Variants in RAD51D observed in about 807,000 individuals in gnomAD.
The protein encoded by RAD51D is RAD51 paralog D.
Under a neutral mutation model 44.1 loss-of-function variants are expected in RAD51D, and 38 were observed. That is an observed-to-expected ratio of 0.86 (90% CI 0.67 to 1.13). The LOEUF is 1.13. Ranked by LOEUF, RAD51D falls within the 50% of genes most tolerant of loss-of-function variation. The pLI is 0.00. For missense variants in RAD51D, 390 were observed against 414.0 expected (o/e 0.94, Z 0.50); for synonymous variants, 141 against 166.6 (o/e 0.85, Z 1.18).
intron 8 of RAD51D, 95 bp from the exon 9 acceptor site, chr17:35,101,460 C>T: frequency 7.3e-7 from 1 of 1,378,594 alleles, no homozygotes; most frequent in South Asian, 1.2e-5. Flanking sequence ...AGAGGCCTAG[C>T]ACAGAGAAAT....
In RAD51D at chr17:35,100,821, G is replaced by A. The variant is rs893059535; in HGVS notation, c.*132C>T. 14 of 780,248 alleles carry A rather than the reference G, an allele frequency of 1.8e-5. No homozygotes were observed. In the African/African-American group the frequency reaches 2.2e-4, roughly 12 times the overall value. 48.3% of individuals were successfully genotyped at this position (780,248 alleles called of 1,614,324 possible). A position where few individuals can be genotyped will look rare whatever the true frequency, so the allele number is the denominator to read the frequency against. ...CAGAGAGTGAGGCCAAGGAACCCAA[G>A]ATGTCTCTTCTGGCCAGCCTGAGAA... On this transcript the variant is annotated 3_prime_UTR_variant, in exon 10 of 10. Transcript: ENST00000345365.
chr17:35,110,560 T>C (rs1225784270), intron 3 of RAD51D, among the ~76,000 whole-genome samples: 2 of 152,218 alleles, frequency 1.3e-5, no homozygotes, highest in Non-Finnish European at 2.9e-5. Context: ...TTTAAGTCTA[T>C]GATCCATTTT....
At position 35,100,491 on chromosome 17, in the gene RAD51D, T is replaced by C. The variant is rs1220081229; in HGVS notation, c.*462A>G. On this transcript the variant is annotated 3_prime_UTR_variant, in exon 10 of 10. Coordinates refer to ENST00000345365, the MANE Select transcript of RAD51D (RefSeq NM_002878.4). ...ACTCAGAGACAGAGCTAAGGAAGAGTGGGCCCCCATCTAACAAATGGAAAG... is the reference window on the plus strand; with the variant it reads ...ACTCAGAGACAGAGCTAAGGAAGAGCGGGCCCCCATCTAACAAATGGAAAG... 2 of 535,124 alleles carry C rather than the reference T, an allele frequency of 3.7e-6. No individual in the cohort carries two copies. Among genetic ancestry groups the C allele is most frequent in the Admixed American group, 4.4e-5 (2 of 44,984 alleles). 33.1% of individuals were successfully genotyped at this position (535,124 alleles called of 1,614,324 possible).
intron 8 of RAD51D, among the ~76,000 whole-genome samples, chr17:35,101,668 C>CA (rs1425387578): frequency 7.2e-5 from 11 of 152,310 alleles, no homozygotes; most frequent in African/African-American, 2.4e-4. Context: ...CTCAGCCTCC[C>CA]AAAGTGCTGG....
rs927814372 is a variant in RAD51D at position 35,103,667 on chromosome 17, G to C, written c.577-123C>G. 2.7e-6 allele frequency: 2 copies of C among 733,524 alleles called. No individual in the cohort carries two copies. The highest frequency in any genetic ancestry group is 3.5e-5 in the African/African-American group (2 of 57,694). 45.4% of individuals were successfully genotyped at this position (733,524 alleles called of 1,614,324 possible). On this transcript the variant is annotated intron_variant, in intron 6 of 9. Transcript: ENST00000345365. This position sits in a 1 kb window ranked among gnomAD's most constrained non-coding sequence, Gnocchi z 4.1. ...CCCCCCATCCCAAATACAGCAAGCTGCACGGGCATCACAGAATGTCATCAG... is the reference window on the plus strand; with the variant it reads ...CCCCCCATCCCAAATACAGCAAGCTCCACGGGCATCACAGAATGTCATCAG...
At position 35,107,409 on chromosome 17, in the gene RAD51D, T is replaced by C. The variant is rs1567728722; in HGVS notation, c.302A>G (p.Glu101Gly). Residue 101 changes from glutamate to glycine, a missense_variant, in exon 4 of 10, where the codon GAA becomes GGA. Coordinates refer to ENST00000345365, the MANE Select transcript of RAD51D (RefSeq NM_002878.4). Reference protein sequence around the residue: ...KLLDAGLYTGEVTEIVGGPGS... With the variant: ...KLLDAGLYTGGVTEIVGGPGS... Reference sequence around the variant, plus strand: ...TGGGCCTCCTACAATTTCAGTCACTTCTCCAGTATAGAGACCAGCATCAAG... The same window carrying C: ...TGGGCCTCCTACAATTTCAGTCACTCCTCCAGTATAGAGACCAGCATCAAG... The C allele has an allele frequency of 6.4e-7, 1 of 1,565,376 alleles. No homozygotes were observed. Among genetic ancestry groups the C allele is most frequent in the Non-Finnish European group, 8.8e-7 (1 of 1,135,934 alleles).
At chr17:35,118,873 G>T (rs1398292876) in intron 2 of RAD51D, among the ~76,000 whole-genome samples, 2 of 152,220 alleles carry the variant, frequency 1.3e-5, no homozygotes, top group Non-Finnish European at 2.9e-5. Flanking sequence ...CTCCCGAGTA[G>T]CTGGGATTGT....
intron 4 of RAD51D, 50 bp from the exon 5 acceptor site, chr17:35,107,172 T>A (rs778300366): frequency 6.2e-7 from 1 of 1,609,012 alleles, no homozygotes; most frequent in Non-Finnish European, 8.5e-7. Flanking sequence ...AGGGTCCAGA[T>A]GGGAGCTCCC....
rs961660958 is a variant in RAD51D, at chr17:35,103,679, C to T, written c.577-135G>A. On this transcript the variant is annotated intron_variant, in intron 6 of 9. Transcript: ENST00000345365. The surrounding 1 kb of genome is among the most constrained non-coding windows in gnomAD (Gnocchi z 4.1). Reference sequence around the variant, plus strand: ...AATACAGCAAGCTGCACGGGCATCACAGAATGTCATCAGCAGCAATGTCTC... The same window carrying T: ...AATACAGCAAGCTGCACGGGCATCATAGAATGTCATCAGCAGCAATGTCTC... 4 of 711,830 alleles carry T rather than the reference C, an allele frequency of 5.6e-6. No homozygotes were observed. The Admixed American group carries it at 8.0e-5, about 14-fold the overall frequency. 44.1% of individuals were successfully genotyped at this position (711,830 alleles called of 1,614,324 possible). A position where few individuals can be genotyped will look rare whatever the true frequency, so the allele number is the denominator to read the frequency against.
rs552220204 is a variant in RAD51D, at chr17:35,098,061, G to C, written c.*2892C>G. ...GGTCTAGGAGGAGCCAAAGGATGAA[G>C]CTGGCTGTGAGGGGCACAGCCTGCA... On this transcript the variant is annotated 3_prime_UTR_variant, in exon 10 of 10. Transcript: ENST00000345365. 1.3e-5 allele frequency: 2 copies of C among 152,428 alleles called. No individual in the cohort carries two copies. The highest frequency in any genetic ancestry group is 4.8e-5 in the African/African-American group (2 of 41,514). The allele number at this position is 152,428 out of a possible 1,614,324, so 9.4% of individuals were successfully genotyped here.
At chr17:35,117,116 C>A in intron 3 of RAD51D, 1 of 1,450,478 alleles carries the variant, frequency 6.9e-7, no homozygotes, top group African/African-American at 1.4e-5. Context: ...TTGCCTCCCT[C>A]GGTGCTTACA....
chr17:35,109,537 T>C (rs1279329598), intron 3 of RAD51D, among the ~76,000 whole-genome samples: 3 of 152,218 alleles, frequency 2.0e-5, no homozygotes, highest in South Asian at 2.1e-4. Flanking sequence ...TATATATGAG[T>C]AGTCCAGTGT....
At chr17:35,102,451 T>A (rs76082421) in intron 8 of RAD51D, among the ~76,000 whole-genome samples, 7 of 147,404 alleles carry the variant, frequency 4.7e-5, no homozygotes, top group South Asian at 2.2e-4. Flanking sequence ...TATTTTTTTT[T>A]ATTTTTTCAT....
At chr17:35,110,988 C>T (rs2091667887) in intron 3 of RAD51D, among the ~76,000 whole-genome samples, 1 of 151,588 alleles carries the variant, frequency 6.6e-6, no homozygotes, top group East Asian at 1.9e-4. Flanking sequence ...ACCTGTAATC[C>T]CAGCTACCCG....
At chr17:35,111,071 A>T (rs1597867320) in intron 3 of RAD51D, among the ~76,000 whole-genome samples, 1 of 150,416 alleles carries the variant, frequency 6.6e-6, no homozygotes, top group African/African-American at 2.5e-5. Context: ...ATTGCACTCC[A>T]GTCTGGGCAA....
intron 8 of RAD51D, among the ~76,000 whole-genome samples, chr17:35,102,856 T>C (rs2091556093): frequency 6.6e-6 from 1 of 152,108 alleles, no homozygotes; most frequent in African/African-American, 2.4e-5. Flanking sequence ...AAAAGATCCA[T>C]TTATATGAAG....
rs950797569 is a variant in RAD51D, at chr17:35,097,507, G to T, written c.*3446C>A. ...TATATATATGTGTGTATATGTGTGT[G>T]TGTGTGTGTGTATATATATATATAT... On this transcript the variant is annotated 3_prime_UTR_variant, in exon 10 of 10. Coordinates refer to ENST00000345365, the MANE Select transcript of RAD51D (RefSeq NM_002878.4). The T allele has an allele frequency of 6.7e-6, 1 of 150,296 alleles. No homozygotes were observed. The highest frequency in any genetic ancestry group is 2.5e-5 in the African/African-American group (1 of 40,642). The allele number at this position is 150,296 out of a possible 1,614,324, so 9.3% of individuals were successfully genotyped here.
chr17:35,111,630 A>G (rs2091678258), intron 3 of RAD51D, among the ~76,000 whole-genome samples: 1 of 152,066 alleles, frequency 6.6e-6, no homozygotes, highest in Non-Finnish European at 1.5e-5. Flanking sequence ...ATTCTGTTCC[A>G]CTGATCTGTG....
intron 3 of RAD51D, among the ~76,000 whole-genome samples, chr17:35,114,218 G>C (rs1299184876): frequency 6.6e-6 from 1 of 152,034 alleles, no homozygotes; most frequent in Non-Finnish European, 1.5e-5. Context: ...CTTGCAGTGA[G>C]CCGAGATCGC....
Sources: gnomAD v4.1 joint callset for allele counts (sites outside exome capture counted in the v4.1 genomes callset) on GRCh38, gnomAD v4.1.1 for gene constraint, Gnocchi (gnomAD v3.1) non-coding constraint, MANE v1.5 for transcripts, NCBI Gene and HGNC (gene_info 2026-07-23, HGNC 2026-07-21) for gene names.